The following OR13C3 variants were observed in gnomAD, a reference collection of about 807,000 sequenced individuals.
OR13C3 encodes olfactory receptor 13C3.
A neutral mutation model predicts 14.4 loss-of-function variants in OR13C3; 19 were observed. The ratio of observed to expected loss-of-function variants is 1.31; its 90% CI spans 0.92 to 1.93. OR13C3 has a LOEUF of 1.93. Ranked by LOEUF, OR13C3 falls within the 30% of genes most tolerant of loss-of-function variation. OR13C3 has a pLI of 0.00. For synonymous variants in OR13C3, 140 were observed against 142.5 expected, an observed-to-expected ratio of 0.98 and a Z score of 0.12; for missense variants, 394 against 381.4, an observed-to-expected ratio of 1.03 and a Z score of -0.27.
chr9:104,536,657 T>A (rs746758651), exon 1 of OR13C3: 2 of 1,613,964 alleles, frequency 1.2e-6, no homozygotes, highest in Non-Finnish European at 1.7e-6. Flanking sequence ...ACAATCTCAA[T>A]CTTTGGGTAT....
chr9:104,535,900 G>A (rs779547894), exon 1 of OR13C3: 1 of 1,613,880 alleles, frequency 6.2e-7, no homozygotes, highest in Non-Finnish European at 8.5e-7. Context: ...CTTGTCTAAT[G>A]CTTGCAATTT....
chr9:104,536,536 A>T, exon 1 of OR13C3: 1 of 1,614,206 alleles, frequency 6.2e-7, no homozygotes, highest in Non-Finnish European at 8.5e-7. Flanking sequence ...GAGGTTGCCC[A>T]GGAAGAAGTA....
At chr9:104,536,015 C>T (rs758675743) in exon 1 of OR13C3, 5 of 1,613,904 alleles carry the variant, frequency 3.1e-6, no homozygotes, top group African/African-American at 2.7e-5. Context: ...GTGGAAAATG[C>T]CTTGCGTCTT....
Position 104,535,947 on chromosome 9 carries a change from A to T in OR13C3, c.777T>A (p.Tyr259Ter), listed in dbSNP as rs769037462. Residue 259 changes from tyrosine (Y) to a stop codon, truncating the protein, a stop_gained, in exon 1 of 1, where the codon TAT (tyrosine) becomes TAA (stop). Transcript: ENST00000641090. LOFTEE classifies it high-confidence loss of function. The stretch of plus-strand genomic sequence containing the variant: ...TCAGGTCTTGAGACTTCGGTTTCGC[A>T]TACATAAAGAAGATGGTACCGTAAA... The T allele has an allele frequency of 1.2e-6, 2 of 1,614,048 alleles. No individual in the cohort carries two copies. The highest frequency in any genetic ancestry group is 2.7e-5 in the African/African-American group (2 of 74,916).
At chr9:104,535,781 G>T in exon 1 of OR13C3, 1 of 1,607,206 alleles carries the variant, frequency 6.2e-7, no homozygotes, top group Non-Finnish European at 8.5e-7. Context: ...TAGTGAATTG[G>T]TTTTTTGTTC....
rs199656191 is a variant in OR13C3, at chr9:104,536,191, G to A, written c.533C>T (p.Ala178Val). 32 of 1,614,092 alleles carry A rather than the reference G, an allele frequency of 2.0e-5. No homozygotes were observed. In the African/African-American group the frequency reaches 3.7e-4, roughly 19 times the overall value. Residue 178 changes from alanine (A) to valine (V), a missense_variant, in exon 1 of 1, where the codon GCA becomes GTA. By Grantham distance (64) the Ala-to-Val change is moderately conservative. Coordinates refer to ENST00000641090, the Ensembl canonical transcript of OR13C3. ...CTTGAGGACAGCTAATATTTCACAT[G>A]CGAAATGATTGATAATATTATTCCC...
exon 1 of OR13C3, chr9:104,536,192 C>A (rs771132840): frequency 5.6e-6 from 9 of 1,613,844 alleles, no homozygotes; most frequent in Non-Finnish European, 7.6e-6. Flanking sequence ...ATTTCACATG[C>A]GAAATGATTG....
chr9:104,536,148 T>G lies in OR13C3; in HGVS notation c.576A>C (p.Ile192=), dbSNP rs980041730. 3 of 1,613,908 alleles carry G rather than the reference T, an allele frequency of 1.9e-6. No individual in the cohort carries two copies. In the African/African-American group the frequency reaches 4.0e-5, roughly 22 times the overall value. Residue 192 remains isoleucine (I), a synonymous_variant, in exon 1 of 1, where the codon ATA becomes ATC. Transcript: ENST00000641090. Reference sequence around the variant, plus strand: ...TCACCATGGTGATAATATTGAGGGATATATCAGCACAGGCCAGCTTGAGGA... The same window carrying G: ...TCACCATGGTGATAATATTGAGGGAGATATCAGCACAGGCCAGCTTGAGGA...
chr9:104,536,602 C>T (rs763082807), exon 1 of OR13C3: 4 of 1,613,942 alleles, frequency 2.5e-6, no homozygotes, highest in South Asian at 2.2e-5. Flanking sequence ...AACACCATTG[C>T]CAATTAGAAT....
At chr9:104,536,053 G>A (rs763375282) in exon 1 of OR13C3, 4 of 1,614,106 alleles carry the variant, frequency 2.5e-6, no homozygotes, top group Non-Finnish European at 2.5e-6. Flanking sequence ...TTGCAAGATG[G>A]TGTAGAGGAT....
In OR13C3 at chr9:104,536,761, T is replaced by C. The variant is rs1346027924; in HGVS notation, c.-38A>G. ...CAGGAAATCAAAAGAAGATCTAACA[T>C]GAAATGTATTTACTGCCAAGAAACA... On this transcript the variant is annotated 5_prime_UTR_variant, in exon 1 of 1. An upstream start codon of the reference 5' UTR is lost. Transcript: ENST00000641090. 1 of 1,613,784 alleles carries C rather than the reference T, an allele frequency of 6.2e-7. No individual in the cohort carries two copies. The highest frequency in any genetic ancestry group is 1.7e-5 in the Admixed American group (1 of 59,968).
chr9:104,535,948 T>C (rs1828809840), exon 1 of OR13C3: 1 of 1,614,024 alleles, frequency 6.2e-7, no homozygotes, highest in South Asian at 1.1e-5. Flanking sequence ...CGGTTTCGCA[T>C]ACATAAAGAA....
chr9:104,535,853 G>C (rs1181383876), exon 1 of OR13C3: 1 of 1,612,762 alleles, frequency 6.2e-7, no homozygotes, highest in Non-Finnish European at 8.5e-7. Context: ...ATAGGATTCA[G>C]CATGGGTGTC....
chr9:104,536,554 G>T (rs753310218), exon 1 of OR13C3: 1 of 1,614,150 alleles, frequency 6.2e-7, no homozygotes, highest in South Asian at 1.1e-5. Flanking sequence ...GTACATTGGT[G>T]TGTGAAAATG....
exon 1 of OR13C3, chr9:104,536,521 A>G: frequency 1.9e-6 from 3 of 1,614,174 alleles, no homozygotes; most frequent in Non-Finnish European, 2.5e-6. Context: ...GATATCCAGG[A>G]AAGAGAGGTT....
exon 1 of OR13C3, chr9:104,536,446 G>A (rs750886955): frequency 1.2e-5 from 20 of 1,614,052 alleles, no homozygotes; most frequent in East Asian, 4.5e-5. Flanking sequence ...TCCAGAGAAG[G>A]AAATGTTTCT....
At position 104,536,119 on chromosome 9, in the gene OR13C3, G is replaced by C; in HGVS notation, c.605C>G (p.Ser202Ter). The change falls in exon 1 of 1, where the codon TCA becomes TGA. Residue 202 changes from serine (S) to a stop codon, truncating the protein, a stop_gained. Coordinates refer to ENST00000641090, the Ensembl canonical transcript of OR13C3. LOFTEE classifies it high-confidence loss of function. ...TGGAAGAACCAGGAAGGCCATATTT[G>C]ATATCACCATGGTGATAATATTGAG... is the stretch of plus-strand genomic sequence containing the variant. 1.2e-6 allele frequency: 2 copies of C among 1,612,110 alleles called. No individual in the cohort carries two copies. Among genetic ancestry groups the C allele is most frequent in the Non-Finnish European group, 1.7e-6 (2 of 1,178,204 alleles).
At chr9:104,536,554 G>A (rs753310218) in exon 1 of OR13C3, 3 of 1,614,150 alleles carry the variant, frequency 1.9e-6, no homozygotes, top group South Asian at 2.2e-5. Flanking sequence ...GTACATTGGT[G>A]TGTGAAAATG....
At position 104,536,455 on chromosome 9, in the gene OR13C3, C is replaced by A. The variant is rs267602067; in HGVS notation, c.269G>T (p.Arg90Ile). The A allele has an allele frequency of 6.2e-6, 10 of 1,614,124 alleles. No homozygotes were observed. The South Asian group carries it at 9.9e-5, about 16-fold the overall frequency. Residue 90 changes from arginine (R) to isoleucine (I), a missense_variant, in exon 1 of 1, where the codon AGA becomes ATA. Transcript: ENST00000641090. Reference sequence around the variant, plus strand: ...TGCACATCCAGAGAAGGAAATGTTTCTTTTCTTTGAGATTAAGCTCACCAA... The same window carrying A: ...TGCACATCCAGAGAAGGAAATGTTTATTTTCTTTGAGATTAAGCTCACCAA...
Sources: allele counts gnomAD v4.1 joint callset, GRCh38; gene constraint gnomAD v4.1.1; transcripts MANE v1.5; gene names NCBI Gene and HGNC (gene_info 2026-07-23, HGNC 2026-07-21).